PRLR: variants seen among roughly 807,000 people sequenced by gnomAD.
PRLR encodes prolactin receptor.
In PRLR, 13 loss-of-function variants were observed where a neutral mutation model predicts 40.2. The observed-to-expected ratio is 0.32, with a 90% CI of 0.21 to 0.51. The LOEUF is 0.51. Ranked by LOEUF, PRLR falls within the 20% of genes least tolerant of loss-of-function variation. The pLI is 0.97. For missense variants in PRLR, 656 were observed against 747.3 expected (o/e 0.88, Z 1.42); for synonymous variants, 269 against 278.7 (o/e 0.97, Z 0.35).
At chr5:35,211,636 CTT>C (rs1776170980) in intron 1 of PRLR, among the ~76,000 whole-genome samples, 1 of 152,120 alleles carries the variant, frequency 6.6e-6, no homozygotes, top group African/African-American at 2.4e-5. Flanking sequence ...TGATAGTTAA[CTT>C]AAGATACTTG....
intron 1 of PRLR, among the ~76,000 whole-genome samples, chr5:35,172,471 G>T (rs1024703680): frequency 1.3e-5 from 2 of 152,118 alleles, no homozygotes; most frequent in African/African-American, 4.8e-5. Context: ...CCTCCAGATG[G>T]CCCTTTCTAC....
intron 1 of PRLR, among the ~76,000 whole-genome samples, chr5:35,176,192 T>C (rs1056836072): frequency 5.9e-5 from 9 of 152,222 alleles, no homozygotes; most frequent in Non-Finnish European, 1.2e-4. Context: ...TTCATCTCTT[T>C]GTTTATAACT....
chr5:35,120,538 G>T (rs565216233), intron 1 of PRLR, among the ~76,000 whole-genome samples: 1 of 152,246 alleles, frequency 6.6e-6, no homozygotes, highest in East Asian at 1.9e-4. Flanking sequence ...GTCCCAACAT[G>T]AGGATATACC....
chr5:35,176,434 G>T (rs1400331789), intron 1 of PRLR, among the ~76,000 whole-genome samples: 3 of 152,156 alleles, frequency 2.0e-5, no homozygotes, highest in Non-Finnish European at 4.4e-5. Context: ...TGTGTAGAAA[G>T]AAGTAGACAT....
intron 1 of PRLR, among the ~76,000 whole-genome samples, chr5:35,228,581 C>T (rs1429549619): frequency 6.6e-6 from 1 of 152,238 alleles, no homozygotes; most frequent in Admixed American, 6.5e-5. Flanking sequence ...CACTCTGATT[C>T]AGACAGCGAT....
exon 9 of PRLR, chr5:35,049,154 G>A (rs757611590): frequency 3.7e-5 from 26 of 698,310 alleles, no homozygotes; most frequent in South Asian, 1.5e-4. Context: ...GGCTGGTCAC[G>A]TGCTGCAGGA....
At chr5:35,120,210 A>G (rs981957041) in intron 1 of PRLR, among the ~76,000 whole-genome samples, 2 of 152,028 alleles carry the variant, frequency 1.3e-5, no homozygotes, top group African/African-American at 4.8e-5. Context: ...GTGGTTGTGT[A>G]TCTTTTACCA....
At chr5:35,048,958 C>T in exon 9 of PRLR, 1 of 384,606 alleles carries the variant, frequency 2.6e-6, no homozygotes, top group Non-Finnish European at 5.2e-6. Flanking sequence ...AGGGAGACAA[C>T]TGACTTGGCC....
chr5:35,118,848 C>T lies in PRLR; in HGVS notation c.-105-726G>A, dbSNP rs193171951. On this transcript the variant is annotated intron_variant, in intron 1 of 9. Coordinates refer to ENST00000618457, the MANE Select transcript of PRLR (RefSeq NM_000949.7). ...TCTCCCAGGCTGGAGTGCAACGGCGCAATCACAGCTCACTGCAACTTCAAC... is the reference window on the plus strand; with the variant it reads ...TCTCCCAGGCTGGAGTGCAACGGCGTAATCACAGCTCACTGCAACTTCAAC... Among the ~76,000 whole-genome samples, 76 of 151,786 alleles carry T rather than the reference C, an allele frequency of 5.0e-4. 2 individuals are homozygous for T. In the South Asian group the frequency reaches 0.014, roughly 28 times the overall value.
At chr5:35,110,752 T>C (rs1040163458) in intron 2 of PRLR, among the ~76,000 whole-genome samples, 33 of 152,194 alleles carry the variant, frequency 2.2e-4, no homozygotes, top group Non-Finnish European at 4.4e-5. Context: ...TGTCTTTCTA[T>C]GCAGGAATAT....
chr5:35,130,318 T>A (rs1773625710), intron 1 of PRLR: 1 of 152,120 alleles, frequency 6.6e-6, no homozygotes, highest in Non-Finnish European at 1.5e-5. Context: ...AAGGCAGCTG[T>A]GGTTTCAGCA....
rs1020591828 is a variant in PRLR, at chr5:35,060,761, G to A, written c.*4328C>T. The A allele has an allele frequency of 3.9e-5, 6 of 152,218 alleles. No individual in the cohort carries two copies. Among genetic ancestry groups the A allele is most frequent in the Non-Finnish European group, 7.3e-5 (5 of 68,038 alleles). 9.4% of individuals were successfully genotyped at this position (152,218 alleles called of 1,614,324 possible). A position where few individuals can be genotyped will look rare whatever the true frequency, so the allele number is the denominator to read the frequency against. ...TTTCGTCAATGGCACATCTACGTTAGCAATGCTTGGGATGGTAATTCAAAG... is the reference window on the plus strand; with the variant it reads ...TTTCGTCAATGGCACATCTACGTTAACAATGCTTGGGATGGTAATTCAAAG... On this transcript the variant is annotated 3_prime_UTR_variant, in exon 10 of 10. Transcript: ENST00000618457.
At position 35,072,596 on chromosome 5, in the gene PRLR, G is replaced by A. The variant is rs770908880; in HGVS notation, c.522C>T (p.Pro174=). 47 of 1,613,764 alleles carry A rather than the reference G, an allele frequency of 2.9e-5. No homozygotes were observed. Among genetic ancestry groups the A allele is most frequent in the African/African-American group, 4.0e-5 (3 of 74,886 alleles). ...FTLLYEIRLK[P]EKAAEWEIHF... is the part of the protein sequence containing the mutation. ...TCACCTCCCACTCAGCTGCTTTCTC[G>A]GGTTTTAATCGAATTTCATACAGGA... Residue 174 remains proline, a synonymous_variant, in exon 6 of 10, where the codon CCC becomes CCT. Coordinates refer to ENST00000618457, the MANE Select transcript of PRLR (RefSeq NM_000949.7).
Position 35,065,264 on chromosome 5 carries a change from T to G in PRLR, c.1694A>C (p.His565Pro). ...TTCAAAGCAAGCCACGTTTTTAGCA[T>G]GTGGATCTGGCACCAACACCAGGAT... ...NNILVLVPDP[H>P]AKNVACFEES... is the part of the protein sequence containing the mutation. The change falls in exon 10 of 10, where the codon CAT (histidine) becomes CCT (proline). Residue 565 changes from histidine (H) to proline (P), a missense_variant. Transcript: ENST00000618457. 6.2e-7 allele frequency: 1 copy of G among 1,614,180 alleles called. No homozygotes were observed. The highest frequency in any genetic ancestry group is 8.5e-7 in the Non-Finnish European group (1 of 1,180,022).
In PRLR at chr5:35,117,650, G is replaced by A. The variant is rs535410187; in HGVS notation, c.-44+411C>T. 7.9e-5 allele frequency among the ~76,000 whole-genome samples: 12 copies of A among 152,298 alleles called. No homozygotes were observed. The South Asian group carries it at 2.5e-3, about 32-fold the overall frequency. On this transcript the variant is annotated intron_variant, in intron 2 of 9. Transcript: ENST00000618457. ...GCAGTAACATTACGGGGCCCAGAAA[G>A]TTGTGGCAAGAATTTATGTAGAGTT...
chr5:35,072,247 C>T (rs1050157587), intron 6 of PRLR, among the ~76,000 whole-genome samples: 18 of 152,028 alleles, frequency 1.2e-4, no homozygotes, highest in African/African-American at 3.4e-4. Flanking sequence ...TGACTATGGA[C>T]GGGATATACT....
chr5:35,214,450 G>A (rs547539200), intron 1 of PRLR, among the ~76,000 whole-genome samples: 1 of 152,296 alleles, frequency 6.6e-6, no homozygotes, highest in African/African-American at 2.4e-5. Context: ...CACAGGAAAA[G>A]GGGCAAACGC....
At chr5:35,051,774 A>C (rs779412158), downstream of PRLR, among the ~76,000 whole-genome samples, 2 of 152,246 alleles carry the variant, frequency 1.3e-5, no homozygotes, top group African/African-American at 2.4e-5. Context: ...CTCAACCAGA[A>C]GAAAACAAAA....
At chr5:35,194,231 A>G (rs903211616) in intron 1 of PRLR, among the ~76,000 whole-genome samples, 12 of 152,214 alleles carry the variant, frequency 7.9e-5, no homozygotes, top group Non-Finnish European at 1.8e-4. Context: ...TTAGATGCCT[A>G]CAAAGTGCTG....
Sources: gnomAD v4.1 joint callset for allele counts (sites outside exome capture counted in the v4.1 genomes callset) on GRCh38, gnomAD v4.1.1 for gene constraint, MANE v1.5 for transcripts, NCBI Gene and HGNC (gene_info 2026-07-23, HGNC 2026-07-21) for gene names.